The following RNPS1 variants were observed in gnomAD, a reference collection of about 807,000 sequenced individuals.
The protein encoded by RNPS1 is RNA-binding protein with serine-rich domain 1.
For missense variants in RNPS1, 300 were observed against 427.6 expected (o/e 0.70, Z 2.63); for synonymous variants, 147 against 150.0 (o/e 0.98, Z 0.15).
intron 6 of RNPS1, chr16:2,258,734 G>C (rs1349438864): frequency 6.6e-6 from 1 of 152,042 alleles, no homozygotes; most frequent in Non-Finnish European, 1.5e-5. Flanking sequence ...TCAAAAAAAG[G>C]TGTGGGAGGT....
chr16:2,258,332 T>C (rs2093587665), intron 6 of RNPS1: 1 of 152,248 alleles, frequency 6.6e-6, no homozygotes, highest in African/African-American at 2.4e-5. Flanking sequence ...TACGCATATT[T>C]GCTAATTTTT....
At chr16:2,257,136 T>C (rs946633941) in intron 6 of RNPS1, 2 of 152,052 alleles carry the variant, frequency 1.3e-5, no homozygotes, top group Non-Finnish European at 2.9e-5. Flanking sequence ...GGATGTGGGC[T>C]CCAGGGAGAG....
chr16:2,268,041 C>T lies in RNPS1; in HGVS notation c.-118+14G>A, dbSNP rs1362085449. ...CCCGAAACACGGATGCAGTCGGATT[C>T]CGCCCCAACTTACATCTTCCCGCCG... is the stretch of plus-strand genomic sequence containing the variant. On this transcript the variant is annotated intron_variant, in intron 1 of 7. Coordinates refer to ENST00000320225, the MANE Select transcript of RNPS1 (RefSeq NM_080594.4). 2.9e-5 allele frequency: 45 copies of T among 1,534,216 alleles called. No individual in the cohort carries two copies. The highest frequency in any genetic ancestry group is 3.5e-5 in the Non-Finnish European group (40 of 1,146,690).
intron 1 of RNPS1, chr16:2,266,393 G>T: frequency 1.0e-6 from 1 of 985,354 alleles, no homozygotes; most frequent in Non-Finnish European, 1.2e-6. Context: ...GACAATCAGT[G>T]AGTATCATTC....
chr16:2,254,988 C>T (rs577633366), intron 7 of RNPS1, among the ~76,000 whole-genome samples: 38 of 152,240 alleles, frequency 2.5e-4, no homozygotes, highest in African/African-American at 8.7e-4. Flanking sequence ...GTGATCTGCC[C>T]GCCTCAGCCT....
chr16:2,266,662 A>C lies in RNPS1; in HGVS notation c.-118+1393T>G, dbSNP rs979985254. ...AAGTTACACTAATTTCTGAACTCTC[A>C]GCTGGGTTCCTGCACCCACCCGCCT... On this transcript the variant is annotated intron_variant, in intron 1 of 7. Coordinates refer to ENST00000320225, the MANE Select transcript of RNPS1 (RefSeq NM_080594.4). The C allele has an allele frequency of 4.1e-6, 4 of 985,310 alleles. No individual in the cohort carries two copies. The African/African-American group carries it at 7.0e-5, about 17-fold the overall frequency. The allele number at this position is 985,310 out of a possible 1,614,324, so 61.0% of individuals were successfully genotyped here. A position where few individuals can be genotyped will look rare whatever the true frequency, so the allele number is the denominator to read the frequency against.
Position 2,253,855 on chromosome 16 carries a change from T to C in RNPS1, c.*109A>G, listed in dbSNP as rs200319672. ...GGTGCTGCCTGCTGCCTGCAAATCC[T>C]GCCAGAGTCAAGGGTTTGCTTTCCT... On this transcript the variant is annotated 3_prime_UTR_variant, in exon 8 of 8. Transcript: ENST00000320225. 58 of 1,004,112 alleles carry C rather than the reference T, an allele frequency of 5.8e-5. 2 individuals carry two copies. The Middle Eastern group carries it at 6.3e-4, about 11-fold the overall frequency. 62.2% of individuals were successfully genotyped at this position (1,004,112 alleles called of 1,614,324 possible). A position where few individuals can be genotyped will look rare whatever the true frequency, so the allele number is the denominator to read the frequency against.
chr16:2,255,516 GT>G, intron 7 of RNPS1, 68 bp downstream of exon 7: 1 of 1,505,100 alleles, frequency 6.6e-7, no homozygotes. Flanking sequence ...TGAATAAAGG[GT>G]CTGAAAGTCA....
chr16:2,259,486 T>C (rs1369263938), intron 6 of RNPS1, among the ~76,000 whole-genome samples: 1 of 152,242 alleles, frequency 6.6e-6, no homozygotes, highest in African/African-American at 2.4e-5. Context: ...TTTTAGAAGG[T>C]GGTTTTATAA....
chr16:2,253,582 C>T lies in RNPS1; in HGVS notation c.*382G>A. 1 of 355,226 alleles carries T rather than the reference C, an allele frequency of 2.8e-6. No individual in the cohort carries two copies. Among genetic ancestry groups the T allele is most frequent in the Non-Finnish European group, 5.3e-6 (1 of 187,594 alleles). The allele number at this position is 355,226 out of a possible 1,614,324, so 22.0% of individuals were successfully genotyped here. A position where few individuals can be genotyped will look rare whatever the true frequency, so the allele number is the denominator to read the frequency against. ...AGCTCCCTTTCCAAAAGGACACTGCCCAGCAACAGCAAGGGCACGGCCTGG... is the reference window on the plus strand; with the variant it reads ...AGCTCCCTTTCCAAAAGGACACTGCTCAGCAACAGCAAGGGCACGGCCTGG... On this transcript the variant is annotated 3_prime_UTR_variant, in exon 8 of 8. Transcript: ENST00000320225.
intron 3 of RNPS1, 152 bp downstream of exon 3, chr16:2,264,024 C>T (rs2093614524): frequency 2.2e-5 from 20 of 916,462 alleles, no homozygotes; most frequent in Non-Finnish European, 3.1e-5. Context: ...GCCACCACTG[C>T]ACCTAGCCAG....
chr16:2,254,071 A>G lies in RNPS1; in HGVS notation c.819-8T>C. ...CGCCTCGGGGAGCGGGACCTGCGGG[A>G]AGAGGAGAAACCACATCAGAGTAGC... On this transcript the variant is annotated splice_region_variant and splice_polypyrimidine_tract_variant and intron_variant, in intron 7 of 7. Transcript: ENST00000320225. The G allele has an allele frequency of 6.8e-7, 1 of 1,471,714 alleles. No homozygotes were observed. Among genetic ancestry groups the G allele is most frequent in the Non-Finnish European group, 9.0e-7 (1 of 1,108,728 alleles). 91.2% of individuals were successfully genotyped at this position (1,471,714 alleles called of 1,614,324 possible). A position where few individuals can be genotyped will look rare whatever the true frequency, so the allele number is the denominator to read the frequency against.
In RNPS1 at chr16:2,260,355, G is replaced by A. The variant is rs760635335; in HGVS notation, c.676+1923C>T. On this transcript the variant is annotated intron_variant, in intron 6 of 7. Coordinates refer to ENST00000320225, the MANE Select transcript of RNPS1 (RefSeq NM_080594.4). ...ATTTTTATTAGAGACGGGGTTTCAC[G>A]ATGTTGGCCACGCTGGTCTCAAACT... Among the ~76,000 whole-genome samples the A allele has an allele frequency of 4.0e-5, 6 of 151,780 alleles. No individual in the cohort carries two copies. In the East Asian group the frequency reaches 7.7e-4, roughly 20 times the overall value.
At chr16:2,260,991 A>G (rs1195981234) in intron 6 of RNPS1, among the ~76,000 whole-genome samples, 5 of 152,070 alleles carry the variant, frequency 3.3e-5, no homozygotes, top group Non-Finnish European at 7.4e-5. Flanking sequence ...TTAGCCAGGC[A>G]TGGTGGTGGG....
At chr16:2,267,900 C>G (rs1211385683) in intron 1 of RNPS1, 155 bp downstream of exon 1, 6 of 1,533,548 alleles carry the variant, frequency 3.9e-6, no homozygotes, top group South Asian at 2.4e-5. Flanking sequence ...TCCGCCCGCC[C>G]CGGGCCACAC....
At position 2,253,201 on chromosome 16, in the gene RNPS1, C is replaced by A. The variant is rs2141520877; in HGVS notation, c.*763G>T. The A allele has an allele frequency of 6.6e-6, 1 of 152,644 alleles. No individual in the cohort carries two copies. The highest frequency in any genetic ancestry group is 2.1e-4 in the South Asian group (1 of 4,830). The allele number at this position is 152,644 out of a possible 1,614,324, so 9.5% of individuals were successfully genotyped here. On this transcript the variant is annotated 3_prime_UTR_variant, in exon 8 of 8. Coordinates refer to ENST00000320225, the MANE Select transcript of RNPS1 (RefSeq NM_080594.4). ...TACAAACACAATGTCATCTAAAATG[C>A]TACAAAGGTATAAAACTCAAAAGAG...
At chr16:2,254,277 A>G in intron 7 of RNPS1, among the ~76,000 whole-genome samples, 1 of 152,194 alleles carries the variant, frequency 6.6e-6, no homozygotes, top group East Asian at 1.9e-4. Flanking sequence ...CTGGGACTAC[A>G]GGCGCGCGCC....
Position 2,262,332 on chromosome 16 carries a change from C to G in RNPS1, c.622G>C (p.Val208Leu). Residue 208 changes from valine to leucine, a missense_variant, in exon 6 of 8, where the codon GTA becomes CTA. By Grantham distance (32) the Val-to-Leu change is conservative. Transcript: ENST00000320225. Reference protein sequence around the residue: ...HPHLSKGYAYVEFENPDEAEK... With the variant: ...HPHLSKGYAYLEFENPDEAEK... ...GCTTCATCTGGATTCTCAAACTCTACGTACGCATAGCCTTTGGACAGATGG... is the reference window on the plus strand; with the variant it reads ...GCTTCATCTGGATTCTCAAACTCTAGGTACGCATAGCCTTTGGACAGATGG... 1.9e-6 allele frequency: 3 copies of G among 1,614,064 alleles called. No homozygotes were observed. Among genetic ancestry groups the G allele is most frequent in the Non-Finnish European group, 2.5e-6 (3 of 1,180,016 alleles).
chr16:2,263,030 T>C, intron 4 of RNPS1, 66 bp downstream of exon 4: 1 of 1,543,302 alleles, frequency 6.5e-7, no homozygotes, highest in Non-Finnish European at 8.8e-7. Flanking sequence ...GTCCCTTTTA[T>C]AACCTCGATG....
Sources: gnomAD v4.1 joint callset for allele counts (sites outside exome capture counted in the v4.1 genomes callset) on GRCh38, gnomAD v4.1.1 for gene constraint, MANE v1.5 for transcripts, NCBI Gene and HGNC (gene_info 2026-07-23, HGNC 2026-07-21) for gene names.